Variants in ATP6V1B1 observed in about 807,000 individuals in gnomAD.
ATP6V1B1 encodes ATPase H+ transporting V1 subunit B1.
In ATP6V1B1, 41 loss-of-function variants were observed where a neutral mutation model predicts 62.1. That is an observed-to-expected ratio of 0.66 (90% confidence interval 0.51 to 0.86). The LOEUF is 0.86. Ranked by LOEUF, ATP6V1B1 falls within the 40% of genes least tolerant of loss-of-function variation. The probability of loss-of-function intolerance (pLI) is 0.00; values close to 1 mark genes in which losing one functional copy is unlikely to be tolerated. For synonymous variants in ATP6V1B1, 253 were observed against 273.4 expected, an observed-to-expected ratio of 0.93 and a Z score of 0.74; for missense variants, 651 against 697.5, an observed-to-expected ratio of 0.93 and a Z score of 0.75.
chr2:70,950,164 C>G (rs1680286067), intron 2 of ATP6V1B1, among the ~76,000 whole-genome samples: 2 of 152,092 alleles, frequency 1.3e-5, no homozygotes, highest in African/African-American at 2.4e-5. Context: ...GGATCTCCTT[C>G]TGGACTTTTT....
At chr2:70,941,242 A>T in intron 1 of ATP6V1B1, 1 of 977,704 alleles carries the variant, frequency 1.0e-6, no homozygotes, top group Non-Finnish European at 1.2e-6. Context: ...TGTGTACCAT[A>T]TTCCCAGCAC....
rs782522530 is a variant in ATP6V1B1, at chr2:70,964,443, C to A, written c.1149C>A (p.Tyr383Ter). Reference protein sequence around the residue: ...VDRQLHNRQIYPPINVLPSLS... With the variant: ...VDRQLHNRQI ...CCCTTTTTCTTCTCCCTCAGATCTA[C>A]CCCCCCATCAACGTGCTCCCTTCCC... is the stretch of plus-strand genomic sequence containing the variant. The change falls in exon 12 of 14, where the codon TAC becomes TAA. Residue 383 changes from tyrosine to a stop codon, truncating the protein, a stop_gained. Coordinates refer to ENST00000234396, the MANE Select transcript of ATP6V1B1 (RefSeq NM_001692.4). LOFTEE classifies it high-confidence loss of function. 3 of 1,613,456 alleles carry A rather than the reference C, an allele frequency of 1.9e-6. No individual in the cohort carries two copies. The highest frequency in any genetic ancestry group is 1.3e-5 in the African/African-American group (1 of 74,932).
chr2:70,936,081 C>A lies in ATP6V1B1; in HGVS notation c.118+9C>A, dbSNP rs782585088. On this transcript the variant is annotated intron_variant, in intron 1 of 13. Transcript: ENST00000234396. ...CACCCACCCCCGTGTCAGTGAGTAG[C>A]CCCTCCACCGTGACGGGTGAGGTCA... The A allele has an allele frequency of 6.8e-5, 109 of 1,613,360 alleles. No homozygotes were observed. The highest frequency in any genetic ancestry group is 9.1e-5 in the Non-Finnish European group (107 of 1,179,380).
At chr2:70,957,242 C>T (rs901364599) in intron 2 of ATP6V1B1, among the ~76,000 whole-genome samples, 39 of 97,494 alleles carry the variant, frequency 4.0e-4, no homozygotes, top group Admixed American at 1.3e-4. Flanking sequence ...TGCACCACCA[C>T]ACCTGGCAAT....
At chr2:70,953,204 G>A (rs1451446480) in intron 2 of ATP6V1B1, among the ~76,000 whole-genome samples, 3 of 152,162 alleles carry the variant, frequency 2.0e-5, no homozygotes, top group Non-Finnish European at 2.9e-5. Context: ...GACCTCAAGC[G>A]ATCTGCCCAC....
At chr2:70,937,565 C>T (rs1210582651) in intron 1 of ATP6V1B1, among the ~76,000 whole-genome samples, 1 of 151,976 alleles carries the variant, frequency 6.6e-6, no homozygotes, top group African/African-American at 2.4e-5. Context: ...GACTGGGCCC[C>T]CTTGGGTCCA....
chr2:70,964,323 T>C, intron 11 of ATP6V1B1, 115 bp from the exon 12 acceptor site: 2 of 1,061,928 alleles, frequency 1.9e-6, no homozygotes, highest in East Asian at 2.5e-5. Flanking sequence ...TGGGTGTGGC[T>C]GTTGACCCCT....
intron 2 of ATP6V1B1, among the ~76,000 whole-genome samples, chr2:70,949,341 G>T (rs1238101820): frequency 6.6e-6 from 1 of 152,200 alleles, no homozygotes; most frequent in African/African-American, 2.4e-5. Context: ...ATTATTGACA[G>T]ACATTCGTAT....
At chr2:70,964,674 G>A (rs1680675543) in intron 12 of ATP6V1B1, 62 bp from the exon 13 acceptor site, 4 of 1,612,526 alleles carry the variant, frequency 2.5e-6, no homozygotes, top group Non-Finnish European at 2.5e-6. Flanking sequence ...TGGCCAGGTT[G>A]GGGGCTACTG....
Position 70,958,029 on chromosome 2 carries a change from C to T in ATP6V1B1, c.175-17C>T. The T allele has an allele frequency of 1.9e-6, 3 of 1,610,860 alleles. No individual in the cohort carries two copies. The highest frequency in any genetic ancestry group is 2.5e-6 in the Non-Finnish European group (3 of 1,178,218). On this transcript the variant is annotated splice_polypyrimidine_tract_variant and intron_variant, in intron 2 of 13. Transcript: ENST00000234396. ...CTCCAGTCTCACTGTCACGTGGCTG[C>T]TCTCCCCTCCTGCCAGTTTGCCCAG...
At chr2:70,941,600 C>A in intron 1 of ATP6V1B1, 1 of 799,382 alleles carries the variant, frequency 1.3e-6, no homozygotes, top group Non-Finnish European at 1.5e-6. Context: ...ATGTTATTTG[C>A]TCTGTATCCT....
At chr2:70,941,658 G>C (rs2104801756) in intron 1 of ATP6V1B1, 1 of 920,030 alleles carries the variant, frequency 1.1e-6, no homozygotes, top group South Asian at 5.0e-5. Context: ...ACTTTCATTT[G>C]CCTAGCTTAG....
intron 2 of ATP6V1B1, among the ~76,000 whole-genome samples, chr2:70,956,600 ATTATT>A (rs1553419100): frequency 6.6e-6 from 1 of 151,928 alleles, no homozygotes; most frequent in African/African-American, 2.4e-5. Context: ...ACTTGTTATT[ATTATT>A]TTATTTTATT....
At chr2:70,940,545 G>A (rs1423324586) in intron 1 of ATP6V1B1, 1 of 985,414 alleles carries the variant, frequency 1.0e-6, no homozygotes, top group Non-Finnish European at 1.2e-6. Flanking sequence ...ACACCATGTG[G>A]GTGTGGGAGT....
rs1553416279 is a variant in ATP6V1B1, at chr2:70,940,768, G to C, written c.119-2890G>C. ...GGTCAATGGGACTCTCATTTGGTTT[G>C]GAGGCTTGGGAAGGTCGGGAGGGGG... On this transcript the variant is annotated intron_variant, in intron 1 of 13. Coordinates refer to ENST00000234396, the MANE Select transcript of ATP6V1B1 (RefSeq NM_001692.4). The C allele has an allele frequency of 3.0e-6, 3 of 985,402 alleles. No homozygotes were observed. In the African/African-American group the frequency reaches 5.2e-5, roughly 17 times the overall value. 61.0% of individuals were successfully genotyped at this position (985,402 alleles called of 1,614,324 possible). A position where few individuals can be genotyped will look rare whatever the true frequency, so the allele number is the denominator to read the frequency against.
intron 2 of ATP6V1B1, chr2:70,944,091 C>A: frequency 7.8e-7 from 1 of 1,286,140 alleles, no homozygotes; most frequent in Admixed American, 2.6e-5. Flanking sequence ...GGGCTAGACT[C>A]TCCCCACCCT....
intron 13 of ATP6V1B1, 22 bp from the exon 14 acceptor site, chr2:70,964,936 C>G (rs555324462): frequency 1.2e-6 from 2 of 1,614,036 alleles, no homozygotes; most frequent in South Asian, 1.1e-5. Context: ...ATTCCTAACA[C>G]TCCCTCCCGC....
rs1553420150 is a variant in ATP6V1B1 at position 70,961,710 on chromosome 2, G to A, written c.785+17G>A. 6.2e-7 allele frequency: 1 copy of A among 1,612,446 alleles called. No individual in the cohort carries two copies. Among genetic ancestry groups the A allele is most frequent in the Non-Finnish European group, 8.5e-7 (1 of 1,178,494 alleles). ...TGACCCCACGTGAGCTTTCCCTGAT[G>A]CCCAAACTGCCCTCAGGTGGGCAGA... On this transcript the variant is annotated intron_variant, in intron 8 of 13. Coordinates refer to ENST00000234396, the MANE Select transcript of ATP6V1B1 (RefSeq NM_001692.4).
rs1680648123 is a variant in ATP6V1B1, at chr2:70,963,816, G to A, written c.1143+162G>A. 6.6e-6 allele frequency among the ~76,000 whole-genome samples: 1 copy of A among 152,222 alleles called. No individual in the cohort carries two copies. Among genetic ancestry groups the A allele is most frequent in the African/African-American group, 2.4e-5 (1 of 41,454 alleles). ...CTGCATGGTTCACAGACAGAAGACA[G>A]GCCTGAGCAGAATCTGGTTTACCTG... On this transcript the variant is annotated intron_variant, in intron 11 of 13. Transcript: ENST00000234396. The surrounding 1 kb of genome is among the most constrained non-coding windows in gnomAD (Gnocchi z 4.3).
Sources: allele counts gnomAD v4.1 joint callset (sites outside exome capture counted in the v4.1 genomes callset), GRCh38; gene constraint gnomAD v4.1.1; non-coding constraint Gnocchi (gnomAD v3.1); transcripts MANE v1.5; gene names NCBI Gene and HGNC (gene_info 2026-07-23, HGNC 2026-07-21).